PLPP1: variants seen among roughly 807,000 people sequenced by gnomAD.
PLPP1 encodes the protein lipid phosphate phosphohydrolase 1a.
PLPP1 carries 24 observed loss-of-function variants against 31.2 expected under a neutral mutation model. The observed-to-expected ratio is 0.77, with a 90% CI of 0.56 to 1.08. PLPP1 has a LOEUF of 1.08. Among genes scored for constraint, PLPP1 ranks in the 50% least tolerant of loss-of-function variants. PLPP1 has a pLI of 0.00. For synonymous variants in PLPP1, 146 were observed against 126.3 expected (o/e 1.16, Z -1.05); for missense variants, 319 against 342.7 (o/e 0.93, Z 0.55).
chr5:55,500,186 T>C (rs1402232421), intron 1 of PLPP1, among the ~76,000 whole-genome samples: 1 of 151,324 alleles, frequency 6.6e-6, no homozygotes, highest in Non-Finnish European at 1.5e-5. Context: ...TTCACACCAT[T>C]CTCCTACCTC....
chr5:55,443,741 CAG>C (rs752489446), intron 3 of PLPP1, among the ~76,000 whole-genome samples: 90 of 152,284 alleles, frequency 5.9e-4, no homozygotes, highest in African/African-American at 1.5e-3. Context: ...AATACAAAAA[CAG>C]ATATTTTATT....
At chr5:55,470,864 A>G (rs1752398949) in intron 2 of PLPP1, among the ~76,000 whole-genome samples, 1 of 152,240 alleles carries the variant, frequency 6.6e-6, no homozygotes, top group African/African-American at 2.4e-5. Context: ...ATAAATTATC[A>G]AAGAAATAAA....
At chr5:55,453,202 A>G (rs983456261) in intron 3 of PLPP1, among the ~76,000 whole-genome samples, 1 of 152,238 alleles carries the variant, frequency 6.6e-6, no homozygotes, top group African/African-American at 2.4e-5. Flanking sequence ...AGTATACTTT[A>G]ACAACTTATG....
chr5:55,489,506 C>A (rs1023584179), intron 1 of PLPP1, among the ~76,000 whole-genome samples: 3 of 152,118 alleles, frequency 2.0e-5, no homozygotes, highest in African/African-American at 7.2e-5. Flanking sequence ...AGATTTTTCT[C>A]ATTTTACTCC....
At chr5:55,512,702 A>G (rs1753462635) in intron 1 of PLPP1, among the ~76,000 whole-genome samples, 1 of 150,264 alleles carries the variant, frequency 6.7e-6, no homozygotes, top group Non-Finnish European at 1.5e-5. Context: ...CAAAGTCAAA[A>G]GAGTAAAATA....
intron 1 of PLPP1, among the ~76,000 whole-genome samples, chr5:55,503,032 C>T (rs1180893845): frequency 2.0e-5 from 3 of 152,150 alleles, no homozygotes; most frequent in East Asian, 1.9e-4. Context: ...ATTCTTTTGT[C>T]CTGGGGTAAA....
intron 1 of PLPP1, among the ~76,000 whole-genome samples, chr5:55,531,289 C>T (rs898625066): frequency 2.0e-5 from 3 of 152,154 alleles, no homozygotes; most frequent in Non-Finnish European, 4.4e-5. Flanking sequence ...ATAATTCAAA[C>T]GTGTATATAG....
At chr5:55,445,091 C>T (rs980405523) in intron 3 of PLPP1, among the ~76,000 whole-genome samples, 1 of 152,052 alleles carries the variant, frequency 6.6e-6, no homozygotes, top group Non-Finnish European at 1.5e-5. Context: ...TGTTTTTTTC[C>T]TCACATTTGC....
rs191529517 is a variant in PLPP1 at position 55,473,656 on chromosome 5, G to A, written c.210+1643C>T. Reference sequence around the variant, plus strand: ...TTTTTAATTAAAAAAAAAAATCTGTGTGTGTGTGTCTGTGTGTTTGAAAGA... The same window carrying A: ...TTTTTAATTAAAAAAAAAAATCTGTATGTGTGTGTCTGTGTGTTTGAAAGA... On this transcript the variant is annotated intron_variant, in intron 2 of 5. Transcript: ENST00000307259. Among the ~76,000 whole-genome samples the A allele has an allele frequency of 1.3e-3, 204 of 152,022 alleles. 2 individuals carry two copies. In the Middle Eastern group the frequency reaches 0.024, roughly 18 times the overall value.
At chr5:55,496,845 AAT>A (rs1431664141) in intron 1 of PLPP1, among the ~76,000 whole-genome samples, 1 of 152,186 alleles carries the variant, frequency 6.6e-6, no homozygotes, top group Admixed American at 6.5e-5. Flanking sequence ...CATTTTATTA[AAT>A]ATATGTCATA....
intron 1 of PLPP1, among the ~76,000 whole-genome samples, chr5:55,507,902 G>A (rs1439671145): frequency 1.3e-5 from 2 of 151,564 alleles, no homozygotes; most frequent in Non-Finnish European, 2.9e-5. Context: ...CTGTTGCCCA[G>A]GTGGGAGTGC....
intron 1 of PLPP1, among the ~76,000 whole-genome samples, chr5:55,482,389 A>G (rs1312742833): frequency 6.6e-6 from 1 of 152,120 alleles, no homozygotes; most frequent in Non-Finnish European, 1.5e-5. Flanking sequence ...ATCAAACATA[A>G]ACAACAATCT....
At chr5:55,533,602 G>A (rs1740761835) in intron 1 of PLPP1, among the ~76,000 whole-genome samples, 5 of 152,176 alleles carry the variant, frequency 3.3e-5, no homozygotes, top group Admixed American at 3.3e-4. Flanking sequence ...TAAAGCCACA[G>A]ATCTCCCACC....
In PLPP1 at chr5:55,434,667, A is replaced by G. The variant is rs187208352; in HGVS notation, c.549+7184T>C. ...GACTTTTGACAGAGGTACCAAGAACATACAATAGAGACAGTCTCGTCACTA... is the reference window on the plus strand; with the variant it reads ...GACTTTTGACAGAGGTACCAAGAACGTACAATAGAGACAGTCTCGTCACTA... On this transcript the variant is annotated intron_variant, in intron 4 of 5. Transcript: ENST00000307259. Among the ~76,000 whole-genome samples, 89 of 152,312 alleles carry G rather than the reference A, an allele frequency of 5.8e-4. 1 individual carries two copies. The highest frequency in any genetic ancestry group is 2.1e-3 in the African/African-American group (86 of 41,582).
At chr5:55,503,781 C>G (rs193059605) in intron 1 of PLPP1, among the ~76,000 whole-genome samples, 17 of 122,038 alleles carry the variant, frequency 1.4e-4, no homozygotes, top group Non-Finnish European at 1.0e-4. Context: ...TGTCTCAAAA[C>G]GAAGGAGAGG....
chr5:55,475,547 T>G, intron 1 of PLPP1, 97 bp from the exon 2 acceptor site: 101 of 1,124,918 alleles, frequency 9.0e-5, no homozygotes, highest in Non-Finnish European at 1.0e-4. Flanking sequence ...AAAAATGCAT[T>G]TGCCATGAAA....
chr5:55,426,181 A>G (rs1751190238), intron 4 of PLPP1, 142 bp from the exon 5 acceptor site: 5 of 691,530 alleles, frequency 7.2e-6, no homozygotes, highest in Admixed American at 3.4e-5. Context: ...TCACGTACGC[A>G]TTATTACCTA....
intron 2 of PLPP1, among the ~76,000 whole-genome samples, chr5:55,470,185 T>C (rs917001557): frequency 2.6e-5 from 4 of 152,188 alleles, no homozygotes; most frequent in Admixed American, 2.0e-4. Flanking sequence ...ATTGCCTCCT[T>C]AGGCCATTAA....
chr5:55,457,691 C>A (rs574777064), intron 3 of PLPP1, among the ~76,000 whole-genome samples: 2 of 152,218 alleles, frequency 1.3e-5, no homozygotes, highest in South Asian at 4.1e-4. Flanking sequence ...CAGTTCGAGA[C>A]CAGCCTGGCC....
Sources: allele counts gnomAD v4.1 joint callset (sites outside exome capture counted in the v4.1 genomes callset), GRCh38; gene constraint gnomAD v4.1.1; transcripts MANE v1.5; gene names NCBI Gene and HGNC (gene_info 2026-07-23, HGNC 2026-07-21).